ARHGAP45: variants seen among roughly 807,000 people sequenced by gnomAD.
The protein encoded by ARHGAP45 is rho GTPase-activating protein 45.
Under a neutral mutation model 116.1 loss-of-function variants are expected in ARHGAP45, and 56 were observed. The observed-to-expected ratio is 0.48, with a 90% CI of 0.39 to 0.60. ARHGAP45 has a LOEUF of 0.60. ARHGAP45 is among the 20% of genes least tolerant of loss of function. The pLI, the probability that ARHGAP45 is intolerant of heterozygous loss-of-function variation, is 0.00. For synonymous variants in ARHGAP45, 866 were observed against 701.7 expected, an observed-to-expected ratio of 1.23 and a Z score of -3.70; for missense variants, 1,622 against 1,601.0, an observed-to-expected ratio of 1.01 and a Z score of -0.22.
chr19:1,084,937 A>C (rs1027899252), intron 22 of ARHGAP45, among the ~76,000 whole-genome samples: 5 of 152,002 alleles, frequency 3.3e-5, no homozygotes, highest in Non-Finnish European at 7.4e-5. Flanking sequence ...CAAAAATTAG[A>C]CAGGTGTGGT....
Position 1,083,136 on chromosome 19 carries a change from C to G in ARHGAP45, c.2745-7C>G. On this transcript the variant is annotated splice_region_variant and splice_polypyrimidine_tract_variant and intron_variant, in intron 20 of 22. Coordinates refer to ENST00000313093, the MANE Select transcript of ARHGAP45 (RefSeq NM_012292.5). ...CGCTCAGCACCTGGCCCCTGCCCAC[C>G]CCGCAGGATCGTGGAGGTGGAGCAG... is the stretch of plus-strand genomic sequence containing the variant. 1 of 1,602,804 alleles carries G rather than the reference C, an allele frequency of 6.2e-7. No homozygotes were observed. The highest frequency in any genetic ancestry group is 8.5e-7 in the Non-Finnish European group (1 of 1,177,130).
At chr19:1,067,133 T>G, upstream of ARHGAP45, 1 of 1,151,308 alleles carries the variant, frequency 8.7e-7, no homozygotes, top group East Asian at 4.2e-5. Context: ...GGCCCGGGGC[T>G]GGGGGCGGGG....
rs1397140864 is a variant in ARHGAP45, at chr19:1,080,269, G to A, written c.1718G>A (p.Arg573His). 2 of 1,612,598 alleles carry A rather than the reference G, an allele frequency of 1.2e-6. No homozygotes were observed. The highest frequency in any genetic ancestry group is 1.7e-6 in the Non-Finnish European group (2 of 1,179,830). The change falls in exon 14 of 23, where the codon CGT becomes CAT. Residue 573 changes from arginine (R) to histidine (H), a missense_variant. Around this residue, in one of 3 missense-constraint regions of ARHGAP45, gnomAD observed 1,334 missense variants for 1,263.8 expected, o/e 1.06. Transcript: ENST00000313093. The stretch of plus-strand genomic sequence containing the variant: ...TCTTCCACTAGGTCCCCCGTCATGC[G>A]TGCCCGGAAGAGCAGCTTCAACGTG... ...VSANAWSPVMRARKSSFNVSD... is the reference protein window; with the variant it reads ...VSANAWSPVMHARKSSFNVSD...
intron 2 of ARHGAP45, among the ~76,000 whole-genome samples, chr19:1,072,014 TTTCTTTTCTTTCC>T (rs1432426631): frequency 6.6e-6 from 1 of 151,912 alleles, no homozygotes; most frequent in African/African-American, 2.4e-5. Flanking sequence ...TCTCTGCTTT[TTTCTTTTCTTTCC>T]TTCTTTTCTT....
Position 1,080,301 on chromosome 19 carries a change from G to A in ARHGAP45, c.1750G>A (p.Val584Met), listed in dbSNP as rs1252330663. 1.2e-6 allele frequency: 2 copies of A among 1,612,442 alleles called. No individual in the cohort carries two copies. Among genetic ancestry groups the A allele is most frequent in the Non-Finnish European group, 8.5e-7 (1 of 1,179,834 alleles). Residue 584 changes from valine (V) to methionine (M), a missense_variant, in exon 14 of 23, where the codon GTG (valine) becomes ATG (methionine). Transcript: ENST00000313093. ...ARKSSFNVSD[V>M]ARPEAAGSPP... Reference sequence around the variant, plus strand: ...GAAGAGCAGCTTCAACGTGAGTGATGTGGCGCGGCCGGAGGCTGCCGGGAG... The same window carrying A: ...GAAGAGCAGCTTCAACGTGAGTGATATGGCGCGGCCGGAGGCTGCCGGGAG...
intron 11 of ARHGAP45, among the ~76,000 whole-genome samples, chr19:1,078,293 G>A (rs533643789): frequency 8.6e-5 from 13 of 150,376 alleles, no homozygotes; most frequent in East Asian, 2.0e-4. Context: ...ACAGGCGCCC[G>A]CCACCACGCC....
chr19:1,077,964 T>G lies in ARHGAP45; in HGVS notation c.1293T>G (p.Ala431=), dbSNP rs766567359. Residue 431 remains alanine (A), a synonymous_variant, in exon 11 of 23, where the codon GCT becomes GCG. Transcript: ENST00000313093. ...FLVAKAEEEQ[A]GSAPGAGSTA... ...TGGCCAAGGCGGAGGAGGAGCAGGC[T>G]GGCAGCGCGCCGGGAGCAGGCAGCA... The G allele has an allele frequency of 7.1e-6, 11 of 1,553,128 alleles. No homozygotes were observed. The highest frequency in any genetic ancestry group is 8.7e-6 in the Non-Finnish European group (10 of 1,147,816).
chr19:1,067,688 G>C, intron 1 of ARHGAP45, 193 bp downstream of exon 1: 1 of 712,838 alleles, frequency 1.4e-6, no homozygotes, highest in Non-Finnish European at 2.5e-6. Flanking sequence ...GGGACCCTGG[G>C]AGTGGTGGCC....
At chr19:1,067,584 G>A in intron 1 of ARHGAP45, 89 bp downstream of exon 1, 1 of 1,256,372 alleles carries the variant, frequency 8.0e-7, no homozygotes, top group Non-Finnish European at 1.1e-6. Context: ...TGCTGGGGCG[G>A]CGGCTGGGGG....
intron 11 of ARHGAP45, among the ~76,000 whole-genome samples, chr19:1,078,269 G>A (rs1466577847): frequency 3.3e-5 from 5 of 151,210 alleles, no homozygotes; most frequent in African/African-American, 9.7e-5. Flanking sequence ...TCAGCCTCCC[G>A]AGTAGCTGGG....
At chr19:1,074,052 G>A in intron 6 of ARHGAP45, 38 bp downstream of exon 6, 1 of 1,603,330 alleles carries the variant, frequency 6.2e-7, no homozygotes, top group Non-Finnish European at 8.5e-7. Flanking sequence ...CATTTGAGGG[G>A]TGGGCCATTG....
rs752685085 is a variant in ARHGAP45, at chr19:1,085,723, C to T, written c.3128C>T (p.Ser1043Leu). ...DLEEASELLS[S>L]SEASALGHLS... Reference sequence around the variant, plus strand: ...GAGGAGGCCTCCGAGCTGCTGTCCTCATCGGAGGCCAGTGCCCTGGGCCAC... The same window carrying T: ...GAGGAGGCCTCCGAGCTGCTGTCCTTATCGGAGGCCAGTGCCCTGGGCCAC... Residue 1043 changes from serine to leucine, a missense_variant, in exon 23 of 23, where the codon TCA (serine) becomes TTA (leucine). Transcript: ENST00000313093. 3 of 1,610,776 alleles carry T rather than the reference C, an allele frequency of 1.9e-6. No homozygotes were observed. The highest frequency in any genetic ancestry group is 1.3e-5 in the African/African-American group (1 of 74,820).
chr19:1,077,610 T>C, intron 10 of ARHGAP45: 1 of 1,363,456 alleles, frequency 7.3e-7, no homozygotes, highest in African/African-American at 1.5e-5. Flanking sequence ...GGTCTCAAAC[T>C]CCTGACCTCA....
rs961457056 is a variant in ARHGAP45 at position 1,082,476 on chromosome 19, G to C, written c.2518-364G>C. The C allele has an allele frequency of 2.7e-5, 10 of 365,496 alleles. No homozygotes were observed. The South Asian group carries it at 3.0e-4, about 11-fold the overall frequency. 22.6% of individuals were successfully genotyped at this position (365,496 alleles called of 1,614,324 possible). A position where few individuals can be genotyped will look rare whatever the true frequency, so the allele number is the denominator to read the frequency against. ...CGGGGAAGGGCGGGACTGGGGCTAGGGGCGTGGTCATGTCTGGGGAAGGGC... is the reference window on the plus strand; with the variant it reads ...CGGGGAAGGGCGGGACTGGGGCTAGCGGCGTGGTCATGTCTGGGGAAGGGC... On this transcript the variant is annotated intron_variant, in intron 19 of 22. Coordinates refer to ENST00000313093, the MANE Select transcript of ARHGAP45 (RefSeq NM_012292.5).
rs564214674 is a variant in ARHGAP45, at chr19:1,077,356, C to T, written c.1186-501C>T. ...ACCCATTTCTCCGAGTGTCCTGTTA[C>T]GGGTGCCTCCTCCCGTTCTTTTTTT... On this transcript the variant is annotated intron_variant, in intron 10 of 22. Coordinates refer to ENST00000313093, the MANE Select transcript of ARHGAP45 (RefSeq NM_012292.5). 1.0e-5 allele frequency: 10 copies of T among 996,504 alleles called. No homozygotes were observed. In the African/African-American group the frequency reaches 1.2e-4, roughly 12 times the overall value. The allele number at this position is 996,504 out of a possible 1,614,324, so 61.7% of individuals were successfully genotyped here. A position where few individuals can be genotyped will look rare whatever the true frequency, so the allele number is the denominator to read the frequency against.
In ARHGAP45 at chr19:1,081,663, C is replaced by A; in HGVS notation, c.2304C>A (p.Arg768=). 4 of 1,582,902 alleles carry A rather than the reference C, an allele frequency of 2.5e-6. No individual in the cohort carries two copies. Among genetic ancestry groups the A allele is most frequent in the Non-Finnish European group, 3.4e-6 (4 of 1,165,288 alleles). Residue 768 remains arginine, a synonymous_variant, in exon 18 of 23, where the codon CGC becomes CGA. Coordinates refer to ENST00000313093, the MANE Select transcript of ARHGAP45 (RefSeq NM_012292.5). ...GCCAGGACTTCAGCCACGCGGCCCG[C>A]AGCGCCCCCGACGGCGTGCCCTTCA... ...LFGQDFSHAA[R]SAPDGVPFIV... is the part of the protein sequence containing the mutation.
chr19:1,066,409 T>G, upstream of ARHGAP45: 1 of 548,424 alleles, frequency 1.8e-6, no homozygotes. Context: ...CGTCCGGTGG[T>G]CCAGAGTCAC....
In ARHGAP45 at chr19:1,083,014, C is replaced by T. The variant is rs773748618; in HGVS notation, c.2692C>T (p.Leu898=). ...AGRLRELLRD[L]PPENRASLQY... is the part of the protein sequence containing the mutation. ...TCGGCTGCGGGAGCTCCTGCGGGAC[C>T]TGCCGCCTGAGAACCGGGCCTCGCT... Residue 898 remains leucine, a synonymous_variant, in exon 20 of 23, where the codon CTG becomes TTG. Coordinates refer to ENST00000313093, the MANE Select transcript of ARHGAP45 (RefSeq NM_012292.5). 6.5e-7 allele frequency: 1 copy of T among 1,545,242 alleles called. No individual in the cohort carries two copies. Among genetic ancestry groups the T allele is most frequent in the African/African-American group, 1.4e-5 (1 of 73,812 alleles).
At position 1,074,012 on chromosome 19, in the gene ARHGAP45, C is replaced by G; in HGVS notation, c.788C>G (p.Ala263Gly). Residue 263 changes from alanine to glycine, a missense_variant and splice_region_variant, in exon 6 of 23, where the codon GCC becomes GGC. Transcript: ENST00000313093. ...CCTCCCAGCCTGGAAGACTGTGACG[C>G]CGGTAAGCCCCCACCCAGCGGCAGG... Reference protein sequence around the residue: ...GTPPSLEDCDAGCLPAEEVDV... With the variant: ...GTPPSLEDCDGGCLPAEEVDV... 1 of 1,596,156 alleles carries G rather than the reference C, an allele frequency of 6.3e-7. No homozygotes were observed. The highest frequency in any genetic ancestry group is 1.7e-5 in the Admixed American group (1 of 57,386).
Sources: allele counts gnomAD v4.1 joint callset (sites outside exome capture counted in the v4.1 genomes callset), GRCh38; gene constraint gnomAD v4.1.1; regional missense constraint gnomAD v4.1.1; transcripts MANE v1.5; gene names NCBI Gene and HGNC (gene_info 2026-07-23, HGNC 2026-07-21).